The following MYO5A variants were observed in gnomAD, a reference collection of about 807,000 sequenced individuals.
MYO5A encodes the protein myosin VA, also known as unconventional myosin-Va.
MYO5A carries 98 observed loss-of-function variants against 249.7 expected under a neutral mutation model. The ratio of observed to expected loss-of-function variants is 0.39; its 90% CI spans 0.33 to 0.46. The LOEUF (loss-of-function observed/expected upper bound fraction) is 0.46. MYO5A is among the 20% of genes least tolerant of loss of function. The probability of loss-of-function intolerance (pLI) is 0.98; values close to 1 mark genes in which losing one functional copy is unlikely to be tolerated. For synonymous variants in MYO5A, 778 were observed against 810.6 expected (o/e 0.96, Z 0.68); for missense variants, 1,696 against 2,308.8 (o/e 0.73, Z 5.44).
At chr15:52,378,515 C>CAAAACAAAAAAAAAAAAAAAAAAAAAA (rs2041551861) in intron 18 of MYO5A, among the ~76,000 whole-genome samples, 1 of 10,474 alleles carries the variant, frequency 9.5e-5, no homozygotes, top group African/African-American at 1.5e-4. Flanking sequence ...AAGACTGTCT[C>CAAAACAAAAAAAAAAAAAAAAAAAAAA]AAAAAAAAAA....
At chr15:52,397,151 G>T (rs970898756) in intron 10 of MYO5A, 50 bp downstream of exon 10, 2 of 1,596,962 alleles carry the variant, frequency 1.3e-6, no homozygotes, top group Non-Finnish European at 1.7e-6. Flanking sequence ...TACTAGATAA[G>T]TTCTAGAAAG....
intron 1 of MYO5A, among the ~76,000 whole-genome samples, chr15:52,485,594 TA>T (rs559934130): frequency 3.3e-5 from 5 of 151,942 alleles, no homozygotes; most frequent in African/African-American, 1.2e-4. Context: ...TTTACCCTTT[TA>T]AAAAAAAGAT....
At chr15:52,412,626 A>G (rs572390703) in intron 5 of MYO5A, among the ~76,000 whole-genome samples, 2 of 152,268 alleles carry the variant, frequency 1.3e-5, no homozygotes, top group African/African-American at 4.8e-5. Context: ...ATACATAAAC[A>G]GTATCTTTTG....
At chr15:52,499,903 C>A (rs2077118667) in intron 1 of MYO5A, among the ~76,000 whole-genome samples, 1 of 151,950 alleles carries the variant, frequency 6.6e-6, no homozygotes, top group Non-Finnish European at 1.5e-5. Flanking sequence ...TTTTAGGGGG[C>A]CGGGCACAGT....
At chr15:52,448,422 A>G (rs1257758219) in intron 1 of MYO5A, among the ~76,000 whole-genome samples, 1 of 152,148 alleles carries the variant, frequency 6.6e-6, no homozygotes, top group African/African-American at 2.4e-5. Flanking sequence ...GAAGTAACTA[A>G]CTTGTTTTTT....
At chr15:52,381,852 A>T (rs1034922761) in intron 16 of MYO5A, among the ~76,000 whole-genome samples, 17 of 152,054 alleles carry the variant, frequency 1.1e-4, no homozygotes, top group Non-Finnish European at 1.3e-4. Context: ...AGAACAATGT[A>T]TGACAGTTAA....
intron 1 of MYO5A, among the ~76,000 whole-genome samples, 186 bp downstream of exon 1, chr15:52,528,594 T>A (rs916012525): frequency 6.6e-6 from 1 of 152,092 alleles, no homozygotes; most frequent in Non-Finnish European, 1.5e-5. Flanking sequence ...CTTCACCATC[T>A]CGCCCGAAAG....
At chr15:52,447,656 A>G (rs1476663724) in intron 1 of MYO5A, among the ~76,000 whole-genome samples, 1 of 152,192 alleles carries the variant, frequency 6.6e-6, no homozygotes, top group Non-Finnish European at 1.5e-5. Context: ...AATGGTTATG[A>G]CCAAAATGCT....
chr15:52,431,456 C>T (rs933384872), intron 2 of MYO5A, among the ~76,000 whole-genome samples: 1 of 151,854 alleles, frequency 6.6e-6, no homozygotes, highest in African/African-American at 2.4e-5. Context: ...GTTGAGTATA[C>T]ATTAGTATAG....
intron 1 of MYO5A, among the ~76,000 whole-genome samples, chr15:52,446,751 T>C (rs987829980): frequency 1.3e-5 from 2 of 152,232 alleles, no homozygotes; most frequent in Non-Finnish European, 2.9e-5. Context: ...ACCCACTCTT[T>C]CTATCAGTGT....
intron 28 of MYO5A, 113 bp downstream of exon 28, chr15:52,351,141 A>T (rs1438533666): frequency 2.3e-5 from 19 of 842,078 alleles, no homozygotes; most frequent in Non-Finnish European, 3.8e-5. Context: ...TGAATCCTCA[A>T]TTAGATTAAA....
intron 1 of MYO5A, among the ~76,000 whole-genome samples, chr15:52,509,176 T>C (rs761492164): frequency 1.3e-5 from 2 of 152,202 alleles, no homozygotes; most frequent in Non-Finnish European, 2.9e-5. Flanking sequence ...CTCACCATGT[T>C]GCCCTGGCTT....
At chr15:52,478,345 A>T (rs1050059305) in intron 1 of MYO5A, among the ~76,000 whole-genome samples, 2 of 151,790 alleles carry the variant, frequency 1.3e-5, no homozygotes, top group East Asian at 1.9e-4. Flanking sequence ...GAATTCCCCG[A>T]CCCCTTGTGC....
chr15:52,427,920 T>C (rs888691065), intron 3 of MYO5A, among the ~76,000 whole-genome samples: 2 of 152,046 alleles, frequency 1.3e-5, no homozygotes, highest in African/African-American at 4.8e-5. Context: ...ATGAGCTGGG[T>C]GGCTGGCAGC....
intron 16 of MYO5A, among the ~76,000 whole-genome samples, chr15:52,382,190 C>T (rs1452211250): frequency 6.6e-6 from 1 of 152,242 alleles, no homozygotes; most frequent in African/African-American, 2.4e-5. Flanking sequence ...GTGTGAGCCA[C>T]TGCACCCGGC....
chr15:52,444,819 TGAAA>T (rs1472823575), intron 1 of MYO5A, among the ~76,000 whole-genome samples: 1 of 152,238 alleles, frequency 6.6e-6, no homozygotes, highest in Non-Finnish European at 1.5e-5. Flanking sequence ...GATGTAGTGA[TGAAA>T]GAAGTCATGG....
chr15:52,334,664 C>T (rs955527997), intron 34 of MYO5A, among the ~76,000 whole-genome samples: 6 of 152,214 alleles, frequency 3.9e-5, no homozygotes, highest in East Asian at 1.9e-4. Flanking sequence ...CTTACTCATT[C>T]ACTCAACAAA....
At chr15:52,374,283 A>G (rs1567063933) in intron 20 of MYO5A, among the ~76,000 whole-genome samples, 1 of 152,228 alleles carries the variant, frequency 6.6e-6, no homozygotes, top group Non-Finnish European at 1.5e-5. Flanking sequence ...TACAATTTTA[A>G]CCACATTAAT....
intron 1 of MYO5A, among the ~76,000 whole-genome samples, chr15:52,512,430 T>C (rs2077410394): frequency 6.6e-6 from 1 of 151,854 alleles, no homozygotes; most frequent in Non-Finnish European, 1.5e-5. Context: ...AAAAACACAC[T>C]GTAGAATAAC....
Sources: allele counts gnomAD v4.1 joint callset (sites outside exome capture counted in the v4.1 genomes callset), GRCh38; gene constraint gnomAD v4.1.1; transcripts MANE v1.5; gene names NCBI Gene and HGNC (gene_info 2026-07-23, HGNC 2026-07-21).